Variants in PDZRN3 observed in about 807,000 individuals in gnomAD.
PDZRN3 encodes PDZ domain containing ring finger 3.
Under a neutral mutation model 85.7 loss-of-function variants are expected in PDZRN3, and 38 were observed. The ratio of observed to expected loss-of-function variants is 0.44; its 90% CI spans 0.34 to 0.58. The LOEUF is 0.58. PDZRN3 is among the 20% of genes least tolerant of loss of function. The pLI is 0.01. For synonymous variants in PDZRN3, 759 were observed against 638.0 expected (o/e 1.19, Z -2.86); for missense variants, 1,629 against 1,506.4 (o/e 1.08, Z -1.35).
At chr3:73,462,336 G>A (rs1703121877) in intron 3 of PDZRN3, among the ~76,000 whole-genome samples, 1 of 152,078 alleles carries the variant, frequency 6.6e-6, no homozygotes, top group Non-Finnish European at 1.5e-5. Flanking sequence ...GAGGTCAGGA[G>A]ATCGAGACCA....
intron 3 of PDZRN3, among the ~76,000 whole-genome samples, chr3:73,476,388 C>A (rs930287535): frequency 2.0e-5 from 3 of 152,136 alleles, no homozygotes; most frequent in African/African-American, 4.8e-5. Context: ...AGAATTCTAT[C>A]ACTAGACAGC....
At chr3:73,464,683 GA>G (rs1282944426) in intron 3 of PDZRN3, among the ~76,000 whole-genome samples, 2 of 151,646 alleles carry the variant, frequency 1.3e-5, no homozygotes, top group East Asian at 1.9e-4. Context: ...TATTTCAAAA[GA>G]AAAAAAGGTG....
intron 3 of PDZRN3, among the ~76,000 whole-genome samples, chr3:73,518,966 T>C (rs1454391233): frequency 6.6e-6 from 1 of 152,184 alleles, no homozygotes. Context: ...AGTGACGTAC[T>C]TAAGATGAAT....
At chr3:73,549,089 C>G (rs1323444585) in intron 3 of PDZRN3, among the ~76,000 whole-genome samples, 2 of 152,198 alleles carry the variant, frequency 1.3e-5, no homozygotes, top group African/African-American at 4.8e-5. Flanking sequence ...ACTACAATCA[C>G]TTTCTGTTGA....
intron 3 of PDZRN3, among the ~76,000 whole-genome samples, chr3:73,563,418 G>A (rs1266588327): frequency 2.0e-5 from 3 of 150,064 alleles, no homozygotes; most frequent in African/African-American, 4.9e-5. Flanking sequence ...AAGCAGACCC[G>A]TAGAAGGAAT....
At chr3:73,433,325 C>G (rs17011134) in intron 3 of PDZRN3, among the ~76,000 whole-genome samples, 14,058 of 152,266 alleles carry the variant, frequency 0.092, 2,166 homozygotes, top group African/African-American at 0.32. Context: ...CATGACCACT[C>G]TTTGACCCTT....
chr3:73,556,347 T>C (rs1701695380), intron 3 of PDZRN3, among the ~76,000 whole-genome samples: 1 of 151,860 alleles, frequency 6.6e-6, no homozygotes, highest in African/African-American at 2.4e-5. Context: ...ATAATAAATA[T>C]ACAATAATAC....
intron 3 of PDZRN3, among the ~76,000 whole-genome samples, chr3:73,409,371 T>C (rs1701919774): frequency 6.6e-6 from 1 of 152,230 alleles, no homozygotes; most frequent in Non-Finnish European, 1.5e-5. Flanking sequence ...CAGTTGGTCC[T>C]GAGAACTAAC....
At chr3:73,431,332 C>T (rs915669285) in intron 3 of PDZRN3, among the ~76,000 whole-genome samples, 1 of 152,190 alleles carries the variant, frequency 6.6e-6, no homozygotes, top group Non-Finnish European at 1.5e-5. Context: ...CAAAAAGAAA[C>T]TGTAGGCAGC....
At chr3:73,444,683 T>C (rs6549541) in intron 3 of PDZRN3, among the ~76,000 whole-genome samples, 136,211 of 152,250 alleles carry the variant, frequency 0.89, 61,036 homozygotes, top group East Asian at 1. Flanking sequence ...CTGTAGAGAG[T>C]GGAGGTAGTG....
intron 3 of PDZRN3, among the ~76,000 whole-genome samples, chr3:73,523,539 C>T (rs1368146472): frequency 6.6e-6 from 1 of 151,948 alleles, no homozygotes; most frequent in Non-Finnish European, 1.5e-5. Flanking sequence ...AACAAAAGCA[C>T]TGTATAGGGA....
At chr3:73,397,038 C>CTTT (rs199940941) in intron 5 of PDZRN3, among the ~76,000 whole-genome samples, 2 of 143,884 alleles carry the variant, frequency 1.4e-5, no homozygotes. Flanking sequence ...CTTTTTCTTT[C>CTTT]TTTTTTTTTT....
intron 3 of PDZRN3, among the ~76,000 whole-genome samples, chr3:73,501,331 C>T (rs993784343): frequency 6.6e-6 from 1 of 152,138 alleles, no homozygotes; most frequent in East Asian, 1.9e-4. Context: ...GGAGGTGATG[C>T]CCTCCATTCA....
At chr3:73,393,743 T>C (rs1002916177) in intron 5 of PDZRN3, among the ~76,000 whole-genome samples, 1 of 152,182 alleles carries the variant, frequency 6.6e-6, no homozygotes, top group Non-Finnish European at 1.5e-5. Flanking sequence ...TTCTTGCTTG[T>C]ATTCAAGCAA....
chr3:73,410,558 G>C (rs1438390487), intron 3 of PDZRN3, among the ~76,000 whole-genome samples: 2 of 152,176 alleles, frequency 1.3e-5, no homozygotes, highest in Non-Finnish European at 2.9e-5. Flanking sequence ...TCCATTTCAA[G>C]CATCCTGCAC....
At chr3:73,529,683 G>A (rs988354772) in intron 3 of PDZRN3, among the ~76,000 whole-genome samples, 2 of 152,210 alleles carry the variant, frequency 1.3e-5, no homozygotes, top group Non-Finnish European at 2.9e-5. Flanking sequence ...ATGCCAAGGG[G>A]CTGGATAGAA....
chr3:73,502,383 T>C (rs767521582), intron 3 of PDZRN3, among the ~76,000 whole-genome samples: 4 of 152,278 alleles, frequency 2.6e-5, no homozygotes, highest in Non-Finnish European at 5.9e-5. Flanking sequence ...TGGTGTTCTC[T>C]GGCATCTAAA....
At chr3:73,574,939 A>T (rs1039173902) in intron 3 of PDZRN3, among the ~76,000 whole-genome samples, 1 of 152,196 alleles carries the variant, frequency 6.6e-6, no homozygotes, top group South Asian at 2.1e-4. Context: ...CGAGTTTTAT[A>T]TCTCTCAGCT....
intron 3 of PDZRN3, among the ~76,000 whole-genome samples, chr3:73,439,728 A>ATATTTTATTTTATTT (rs55923666): frequency 4.6e-5 from 7 of 150,886 alleles, no homozygotes; most frequent in Admixed American, 4.0e-4. Context: ...TTAGGCCCTC[A>ATATTTTATTTTATTT]TATTTTATTT....
Sources: gnomAD v4.1 joint callset for allele counts (sites outside exome capture counted in the v4.1 genomes callset) on GRCh38, gnomAD v4.1.1 for gene constraint, MANE v1.5 for transcripts, NCBI Gene and HGNC (gene_info 2026-07-23, HGNC 2026-07-21) for gene names.